FAM186B: variants seen among roughly 807,000 people sequenced by gnomAD.
FAM186B encodes family with sequence similarity 186 member B.
In FAM186B, 68 loss-of-function variants were observed where a neutral mutation model predicts 83.4. The observed-to-expected ratio is 0.81, with a 90% CI of 0.67 to 1.00. FAM186B has a LOEUF of 1.00. FAM186B is among the 50% of genes least tolerant of loss of function. The pLI, the probability that FAM186B is intolerant of heterozygous loss-of-function variation, is 0.00. For synonymous variants in FAM186B, 389 were observed against 422.0 expected, an observed-to-expected ratio of 0.92 and a Z score of 0.96; for missense variants, 983 against 1,099.2, an observed-to-expected ratio of 0.89 and a Z score of 1.49.
chr12:49,595,884 C>G (rs1489673255), intron 5 of FAM186B, among the ~76,000 whole-genome samples: 2 of 152,186 alleles, frequency 1.3e-5, no homozygotes, highest in African/African-American at 4.8e-5. Flanking sequence ...ACTCGGGAGG[C>G]TGAGGCAGAA....
intron 1 of FAM186B, 113 bp downstream of exon 1, chr12:49,605,269 T>TA (rs1398519924): frequency 1.3e-6 from 2 of 1,537,388 alleles, no homozygotes; most frequent in Non-Finnish European, 1.8e-6. Flanking sequence ...GGTTGCTGAA[T>TA]ATCCCAGGGC....
Position 49,601,001 on chromosome 12 carries a change from C to T in FAM186B, c.639G>A (p.Thr213=), listed in dbSNP as rs778057965. Residue 213 remains threonine (T), a synonymous_variant, in exon 4 of 7, where the codon ACG becomes ACA. Coordinates refer to ENST00000257894, the MANE Select transcript of FAM186B (RefSeq NM_032130.3). ...AGTCCAGGAGCTCCTGCAGCATGGA[C>T]GTCACCTCCGAGGCCTTCGTGTTCA... ...HTMNTKASEV[T]SMLQELLDST... 5 of 1,614,172 alleles carry T rather than the reference C, an allele frequency of 3.1e-6. No homozygotes were observed. The highest frequency in any genetic ancestry group is 1.6e-4 in the Middle Eastern group (1 of 6,062).
In FAM186B at chr12:49,587,527, T is replaced by C. The variant is rs553938093; in HGVS notation, c.*78A>G. 14 of 1,565,896 alleles carry C rather than the reference T, an allele frequency of 8.9e-6. No individual in the cohort carries two copies. Among genetic ancestry groups the C allele is most frequent in the African/African-American group, 8.1e-5 (6 of 73,880 alleles). On this transcript the variant is annotated 3_prime_UTR_variant, in exon 7 of 7. Transcript: ENST00000257894. ...TTGTTAAAGCCTGGAGAGAGATTTA[T>C]TGGGGAGAATCCACATTGACCATCA...
chr12:49,588,332 T>A, intron 6 of FAM186B, 122 bp downstream of exon 6: 1 of 1,253,816 alleles, frequency 8.0e-7, no homozygotes, highest in African/African-American at 1.5e-5. Flanking sequence ...ACTTTGCAAC[T>A]CGTAGGGTGA....
chr12:49,598,849 T>C lies in FAM186B; in HGVS notation c.2270A>G (p.Gln757Arg). ...YIFLENIDRL[Q>R]SLRLQAWTDK... is the part of the protein sequence containing the mutation. ...CGTCCAGGCCTGCAGCCTGAGACTC[T>C]GCAGGCGGTCAATGTTTTCCAGGAA... The change falls in exon 5 of 7, where the codon CAG becomes CGG. Residue 757 changes from glutamine to arginine, a missense_variant. By Grantham distance (43) the Gln-to-Arg change is conservative (BLOSUM62 1). Coordinates refer to ENST00000257894, the MANE Select transcript of FAM186B (RefSeq NM_032130.3). 1 of 1,613,304 alleles carries C rather than the reference T, an allele frequency of 6.2e-7. No individual in the cohort carries two copies. The highest frequency in any genetic ancestry group is 8.5e-7 in the Non-Finnish European group (1 of 1,179,844).
At chr12:49,603,588 T>C (rs1049331832) in intron 2 of FAM186B, among the ~76,000 whole-genome samples, 4 of 152,220 alleles carry the variant, frequency 2.6e-5, no homozygotes, top group Admixed American at 6.5e-5. Context: ...GTGGAACAGT[T>C]AACATGAGGC....
In FAM186B at chr12:49,588,564, C is replaced by T; in HGVS notation, c.2424G>A (p.Lys808=). 1 of 1,611,800 alleles carries T rather than the reference C, an allele frequency of 6.2e-7. No homozygotes were observed. Among genetic ancestry groups the T allele is most frequent in the Middle Eastern group, 1.7e-4 (1 of 6,050 alleles). The change falls in exon 6 of 7, where the codon AAG becomes AAA. Residue 808 remains lysine (K), a synonymous_variant. Coordinates refer to ENST00000257894, the MANE Select transcript of FAM186B (RefSeq NM_032130.3). The part of the protein sequence containing the change: ...NIPEVTSPKP[K]KCKLPAASPR... ...GTGAGGCTGCAGGCAACTTGCATTT[C>T]TTTGGCTTTGGCGAGGTGACCTCAG... is the stretch of plus-strand genomic sequence containing the variant.
the FAM186B span, among the ~76,000 whole-genome samples, chr12:49,614,991 G>T: frequency 3.9e-5 from 6 of 152,120 alleles, no homozygotes; most frequent in African/African-American, 7.2e-5. Flanking sequence ...AGCCAGGCGT[G>T]GGGGCGGGTA....
the FAM186B span, among the ~76,000 whole-genome samples, chr12:49,615,752 G>A: frequency 2.9e-4 from 44 of 151,858 alleles, no homozygotes; most frequent in African/African-American, 1.0e-3. Flanking sequence ...TCGTGCCACT[G>A]CACTCCAGCC....
At chr12:49,603,622 G>A (rs956491063) in intron 2 of FAM186B, among the ~76,000 whole-genome samples, 3 of 152,192 alleles carry the variant, frequency 2.0e-5, no homozygotes, top group Admixed American at 2.0e-4. Context: ...ATTCACAATG[G>A]ACATTAAATA....
rs777097508 is a variant in FAM186B at position 49,604,269 on chromosome 12, A to C, written c.322+44T>G. 6 of 1,519,518 alleles carry C rather than the reference A, an allele frequency of 3.9e-6. 1 individual carries two copies. The South Asian group carries it at 6.9e-5, about 17-fold the overall frequency. 94.1% of individuals were successfully genotyped at this position (1,519,518 alleles called of 1,614,324 possible). A position where few individuals can be genotyped will look rare whatever the true frequency, so the allele number is the denominator to read the frequency against. On this transcript the variant is annotated intron_variant, in intron 2 of 6. Transcript: ENST00000257894. ...TGCTGTCCCTGTGCTCGCCACCCAC[A>C]CTCCCCTCCCAGAGGAGGCACGGTG...
chr12:49,606,486 GACACACACACAC>G (rs57458344), upstream of FAM186B, among the ~76,000 whole-genome samples: 156 of 136,090 alleles, frequency 1.1e-3, no homozygotes, highest in African/African-American at 3.9e-3. Flanking sequence ...TAGATACCCT[GACACACACACAC>G]ACACACACAC....
chr12:49,595,999 T>A (rs990397429), intron 5 of FAM186B, among the ~76,000 whole-genome samples: 1 of 151,102 alleles, frequency 6.6e-6, no homozygotes, highest in Non-Finnish European at 1.5e-5. Context: ...AATAAATAAA[T>A]AAAAATAAGA....
chr12:49,590,912 T>G (rs1466960380), intron 5 of FAM186B, among the ~76,000 whole-genome samples: 1 of 152,204 alleles, frequency 6.6e-6, no homozygotes, highest in Non-Finnish European at 1.5e-5. Context: ...ACTTTTAACA[T>G]TTAAAATGAA....
At chr12:49,599,409 T>A in intron 4 of FAM186B, 60 bp downstream of exon 4, 3 of 1,495,786 alleles carry the variant, frequency 2.0e-6, no homozygotes, top group South Asian at 2.9e-5. Flanking sequence ...CCCACTGGGT[T>A]TAGGCTCTGC....
intron 5 of FAM186B, chr12:49,595,800 A>C (rs1055040993): frequency 1.6e-5 from 3 of 186,048 alleles, no homozygotes; most frequent in African/African-American, 7.2e-5. Context: ...TGGCTAACAC[A>C]GTGAAAACCC....
chr12:49,603,989 G>A (rs560574655), intron 2 of FAM186B, among the ~76,000 whole-genome samples: 128 of 152,338 alleles, frequency 8.4e-4, no homozygotes, highest in Non-Finnish European at 1.3e-3. Flanking sequence ...GGCCCATGCA[G>A]TAAAGGTCAT....
In FAM186B at chr12:49,599,731, C is replaced by T; in HGVS notation, c.1909G>A (p.Val637Ile). 7 of 1,613,978 alleles carry T rather than the reference C, an allele frequency of 4.3e-6. No homozygotes were observed. Among genetic ancestry groups the T allele is most frequent in the Non-Finnish European group, 5.9e-6 (7 of 1,179,932 alleles). ...TKPKKSASFP[V>I]TGTSIRRLTW... is the part of the protein sequence containing the mutation. ...AGCCTTCGGATGGATGTCCCAGTGA[C>T]AGGAAAGGAGGCAGATTTCTTGGGC... Residue 637 changes from valine to isoleucine, a missense_variant, in exon 4 of 7, where the codon GTC (valine) becomes ATC (isoleucine). By Grantham distance (29) the Val-to-Ile change is conservative (BLOSUM62 3). Transcript: ENST00000257894.
At chr12:49,601,542 G>T (rs536145448) in intron 3 of FAM186B, among the ~76,000 whole-genome samples, 2 of 152,024 alleles carry the variant, frequency 1.3e-5, no homozygotes, top group South Asian at 4.2e-4. Context: ...TAGGAAGCCT[G>T]GTTTCCCTTT....
Sources: gnomAD v4.1 joint callset for allele counts (sites outside exome capture counted in the v4.1 genomes callset) on GRCh38, gnomAD v4.1.1 for gene constraint, MANE v1.5 for transcripts, NCBI Gene and HGNC (gene_info 2026-07-23, HGNC 2026-07-21) for gene names.